DRAM1: variants seen among roughly 807,000 people sequenced by gnomAD.
DRAM1 encodes the protein DNA damage regulated autophagy modulator 1.
In DRAM1, 25 loss-of-function variants were observed where a neutral mutation model predicts 28.5. That is an observed-to-expected ratio of 0.88 (90% CI 0.64 to 1.23). The LOEUF (loss-of-function observed/expected upper bound fraction) is 1.23, where lower values mean the gene tolerates loss of function less well. DRAM1 is among the 50% of genes most tolerant of loss of function. The pLI is 0.00. For missense variants in DRAM1, 249 were observed against 299.2 expected, an observed-to-expected ratio of 0.83 and a Z score of 1.24; for synonymous variants, 113 against 114.2, an observed-to-expected ratio of 0.99 and a Z score of 0.07.
chr12:101,892,258 CAG>C (rs201321659), intron 1 of DRAM1, among the ~76,000 whole-genome samples: 7,919 of 150,578 alleles, frequency 0.053, 293 homozygotes, highest in Non-Finnish European at 0.079. Context: ...TTTTTTGAGA[CAG>C]AGTCTTGCTG....
chr12:101,893,605 A>G (rs938781887), intron 1 of DRAM1, among the ~76,000 whole-genome samples: 4 of 152,186 alleles, frequency 2.6e-5, no homozygotes, highest in South Asian at 2.1e-4. Context: ...GTGATCTTGA[A>G]CAAGTTATAT....
At chr12:101,918,359 A>G (rs1874336475) in intron 5 of DRAM1, among the ~76,000 whole-genome samples, 1 of 152,136 alleles carries the variant, frequency 6.6e-6, no homozygotes, top group Non-Finnish European at 1.5e-5. Context: ...TTCTGCCTTT[A>G]TTTTTAGAAG....
intron 4 of DRAM1, among the ~76,000 whole-genome samples, chr12:101,910,886 A>C (rs895252129): frequency 6.6e-6 from 1 of 152,146 alleles, no homozygotes; most frequent in African/African-American, 2.4e-5. Flanking sequence ...ACACGAAAAG[A>C]TCTTCTGTCT....
At chr12:101,907,178 C>T (rs547257378) in intron 3 of DRAM1, among the ~76,000 whole-genome samples, 15 of 129,690 alleles carry the variant, frequency 1.2e-4, no homozygotes, top group Admixed American at 2.7e-4. Context: ...CCCACCTAAG[C>T]GACGGAGTGA....
chr12:101,895,022 G>T (rs1019437339), intron 1 of DRAM1, among the ~76,000 whole-genome samples: 1 of 151,972 alleles, frequency 6.6e-6, no homozygotes, highest in African/African-American at 2.4e-5. Flanking sequence ...TGCTGCCCAA[G>T]GTTATGAGCT....
chr12:101,914,486 T>TTC (rs66919603), intron 5 of DRAM1, among the ~76,000 whole-genome samples: 4 of 78,062 alleles, frequency 5.1e-5, no homozygotes, highest in African/African-American at 2.0e-4. Context: ...CTTCTTCTTC[T>TTC]TTTTTTTTTT....
chr12:101,917,162 A>G (rs1052588859), intron 5 of DRAM1, among the ~76,000 whole-genome samples: 2 of 152,248 alleles, frequency 1.3e-5, no homozygotes, highest in Non-Finnish European at 2.9e-5. Context: ...TTAGAAGCCA[A>G]TGGCAAGAAG....
intron 1 of DRAM1, among the ~76,000 whole-genome samples, chr12:101,881,828 T>C (rs1872697000): frequency 6.6e-6 from 1 of 152,238 alleles, no homozygotes; most frequent in African/African-American, 2.4e-5. Flanking sequence ...ACAGCACGTA[T>C]CACCTTCTAA....
intron 1 of DRAM1, among the ~76,000 whole-genome samples, chr12:101,896,644 TTTAA>T (rs1206172324): frequency 1.3e-5 from 2 of 152,180 alleles, no homozygotes; most frequent in Non-Finnish European, 2.9e-5. Flanking sequence ...TTCCAACTCA[TTTAA>T]TTAATTGAAA....
intron 5 of DRAM1, among the ~76,000 whole-genome samples, chr12:101,915,509 G>T (rs957429544): frequency 6.6e-6 from 1 of 151,648 alleles, no homozygotes; most frequent in Admixed American, 6.6e-5. Context: ...AGAGAGGCTT[G>T]TACTTGGCCT....
intron 1 of DRAM1, among the ~76,000 whole-genome samples, chr12:101,882,169 C>T (rs1354231537): frequency 4.9e-5 from 7 of 142,880 alleles, no homozygotes; most frequent in African/African-American, 1.5e-4. Context: ...AGTGCAGTGG[C>T]GCGATCTCGG....
chr12:101,921,444 A>G lies in DRAM1; in HGVS notation c.*184A>G, dbSNP rs1303067313. The G allele has an allele frequency of 3.4e-6, 2 of 593,774 alleles. No individual in the cohort carries two copies. The highest frequency in any genetic ancestry group is 3.7e-5 in the African/African-American group (2 of 53,742). 36.8% of individuals were successfully genotyped at this position (593,774 alleles called of 1,614,324 possible). A position where few individuals can be genotyped will look rare whatever the true frequency, so the allele number is the denominator to read the frequency against. The stretch of plus-strand genomic sequence containing the variant: ...TAAAGATGTGTTTCCTAGAGAATGT[A>G]CAGCCTTATGACACTGTAGTGATGT... On this transcript the variant is annotated 3_prime_UTR_variant, in exon 7 of 7. Coordinates refer to ENST00000258534, the MANE Select transcript of DRAM1 (RefSeq NM_018370.3).
intron 1 of DRAM1, among the ~76,000 whole-genome samples, chr12:101,888,817 G>C (rs1308138218): frequency 2.8e-5 from 1 of 36,260 alleles, no homozygotes; most frequent in Non-Finnish European, 6.2e-5. Context: ...TTTTTTTTTT[G>C]GTCAGGGGAC....
At chr12:101,883,120 A>G (rs1872747531) in intron 1 of DRAM1, among the ~76,000 whole-genome samples, 1 of 151,050 alleles carries the variant, frequency 6.6e-6, no homozygotes, top group African/African-American at 2.4e-5. Context: ...AGAACAACCT[A>G]TGCTCTCGTT....
intron 1 of DRAM1, among the ~76,000 whole-genome samples, chr12:101,885,090 C>T (rs1170266875): frequency 1.3e-5 from 2 of 152,228 alleles, no homozygotes; most frequent in African/African-American, 4.8e-5. Context: ...TGTGCCACCA[C>T]GCCCGGCTAA....
intron 1 of DRAM1, among the ~76,000 whole-genome samples, chr12:101,885,976 A>G (rs1425900243): frequency 6.6e-6 from 1 of 152,160 alleles, no homozygotes; most frequent in Non-Finnish European, 1.5e-5. Flanking sequence ...CACTTGGTAA[A>G]TATTGGTTGA....
chr12:101,889,073 G>T (rs1872998561), intron 1 of DRAM1, among the ~76,000 whole-genome samples: 1 of 151,956 alleles, frequency 6.6e-6, no homozygotes, highest in Non-Finnish European at 1.5e-5. Context: ...ATAATGCTGG[G>T]ATTACAAGTG....
intron 1 of DRAM1, among the ~76,000 whole-genome samples, chr12:101,888,662 T>C (rs1872977618): frequency 6.6e-6 from 1 of 152,152 alleles, no homozygotes; most frequent in Admixed American, 6.6e-5. Flanking sequence ...CAACAAATTC[T>C]TTTGTTCTCA....
chr12:101,885,526 T>A (rs1872852766), intron 1 of DRAM1, among the ~76,000 whole-genome samples: 1 of 21,266 alleles, frequency 4.7e-5, no homozygotes, highest in Non-Finnish European at 6.8e-5. Flanking sequence ...CCCACTGGAC[T>A]TTTTTTTTTT....
Sources: gnomAD v4.1 joint callset for allele counts (sites outside exome capture counted in the v4.1 genomes callset) on GRCh38, gnomAD v4.1.1 for gene constraint, MANE v1.5 for transcripts, NCBI Gene and HGNC (gene_info 2026-07-23, HGNC 2026-07-21) for gene names.